The following HPSE2 variants were observed in gnomAD, a reference collection of about 807,000 sequenced individuals.
HPSE2 encodes inactive heparanase-2.
In HPSE2, 38 loss-of-function variants were observed where a neutral mutation model predicts 60.5. The observed-to-expected ratio is 0.63, with a 90% CI of 0.48 to 0.82. The LOEUF is 0.82. Ranked by LOEUF, HPSE2 falls within the 40% of genes least tolerant of loss-of-function variation. The pLI is 0.00. For missense variants in HPSE2, 713 were observed against 740.4 expected, an observed-to-expected ratio of 0.96 and a Z score of 0.43; for synonymous variants, 295 against 293.2, an observed-to-expected ratio of 1.01 and a Z score of -0.06.
chr10:99,249,166 C>A, the HPSE2 span, among the ~76,000 whole-genome samples: 1 of 152,186 alleles, frequency 6.6e-6, no homozygotes, highest in African/African-American at 2.4e-5. Context: ...GTTCTTCAGA[C>A]CCCAGAATGG....
intron 11 of HPSE2, among the ~76,000 whole-genome samples, chr10:98,481,058 A>T (rs184112609): frequency 2.0e-5 from 3 of 152,296 alleles, no homozygotes; most frequent in Admixed American, 2.0e-4. Context: ...GCATTTGGCC[A>T]GTCCCCTCCA....
intron 3 of HPSE2, among the ~76,000 whole-genome samples, chr10:98,858,260 C>A (rs1412874889): frequency 1.3e-5 from 2 of 152,164 alleles, no homozygotes; most frequent in African/African-American, 2.4e-5. Flanking sequence ...GACCCAGAAA[C>A]TGTAAATTCT....
chr10:98,817,007 T>C (rs1951306768), intron 3 of HPSE2, among the ~76,000 whole-genome samples: 1 of 152,136 alleles, frequency 6.6e-6, no homozygotes, highest in Admixed American at 6.6e-5. Flanking sequence ...GTGCTCTCCT[T>C]CTCTGCTTCC....
chr10:99,288,277 G>A, the HPSE2 span, among the ~76,000 whole-genome samples: 7 of 152,090 alleles, frequency 4.6e-5, no homozygotes, highest in Admixed American at 3.3e-4. Flanking sequence ...GTAGGGTCAC[G>A]GTGGATGGTT....
chr10:98,951,964 A>G (rs10218963), intron 3 of HPSE2, among the ~76,000 whole-genome samples: 11,916 of 152,248 alleles, frequency 0.078, 875 homozygotes, highest in African/African-American at 0.18. Flanking sequence ...TGACTTGCCT[A>G]AGTTCTTACA....
intron 9 of HPSE2, among the ~76,000 whole-genome samples, chr10:98,546,792 A>G (rs1423299910): frequency 4.6e-5 from 7 of 151,178 alleles, no homozygotes; most frequent in African/African-American, 1.7e-4. Flanking sequence ...ACAAAAGCCA[A>G]AATTGACAAA....
chr10:99,237,656 G>A (rs1271544019), upstream of HPSE2, among the ~76,000 whole-genome samples: 1 of 152,194 alleles, frequency 6.6e-6, no homozygotes, highest in Non-Finnish European at 1.5e-5. Flanking sequence ...GTGAAGTATT[G>A]GATGTTGGCT....
At chr10:98,491,498 C>A (rs1041281498) in intron 9 of HPSE2, among the ~76,000 whole-genome samples, 1 of 152,140 alleles carries the variant, frequency 6.6e-6, no homozygotes, top group Admixed American at 6.5e-5. Flanking sequence ...ATTACAATTT[C>A]TGTGTTTTTG....
rs947116662 is a variant in HPSE2 at position 98,483,637 on chromosome 10, A to G, written c.1467-855T>C. Among the ~76,000 whole-genome samples, 8 of 152,278 alleles carry G rather than the reference A, an allele frequency of 5.3e-5. No individual in the cohort carries two copies. The South Asian group carries it at 8.3e-4, about 16-fold the overall frequency. On this transcript the variant is annotated intron_variant, in intron 10 of 11. Coordinates refer to ENST00000370552, the MANE Select transcript of HPSE2 (RefSeq NM_021828.5). ...GTGATCGCGTGATTTGCTTTGTCCA[A>G]TGAAATGTGAGTGGACATGGCAAAA...
chr10:98,492,510 C>CAAAAAA (rs10645866), intron 9 of HPSE2, among the ~76,000 whole-genome samples: 289 of 111,776 alleles, frequency 2.6e-3, no homozygotes, highest in Middle Eastern at 4.7e-3. Context: ...TCAAAAAAGA[C>CAAAAAA]AAAAAAAAAA....
intron 3 of HPSE2, among the ~76,000 whole-genome samples, chr10:98,863,810 T>A (rs1241265824): frequency 6.6e-6 from 1 of 152,174 alleles, no homozygotes; most frequent in African/African-American, 2.4e-5. Context: ...TAGTTGGATT[T>A]TTTAGAATCT....
intron 3 of HPSE2, among the ~76,000 whole-genome samples, chr10:98,965,630 C>A (rs1955794829): frequency 6.6e-6 from 1 of 152,130 alleles, no homozygotes; most frequent in Non-Finnish European, 1.5e-5. Flanking sequence ...CTCCTCTACA[C>A]CTACACAAAT....
chr10:99,166,851 A>AG (rs1847100163), intron 2 of HPSE2, among the ~76,000 whole-genome samples: 1 of 136,810 alleles, frequency 7.3e-6, no homozygotes, highest in Admixed American at 7.1e-5. Context: ...CATCTCAAAG[A>AG]AAAAAAAAAA....
chr10:98,767,565 T>G (rs1950148164), intron 3 of HPSE2, among the ~76,000 whole-genome samples: 1 of 146,860 alleles, frequency 6.8e-6, no homozygotes, highest in Admixed American at 6.8e-5. Context: ...ATGTATATTA[T>G]GTAATGCTAT....
At chr10:98,638,313 C>T (rs923715019) in intron 7 of HPSE2, among the ~76,000 whole-genome samples, 3 of 151,520 alleles carry the variant, frequency 2.0e-5, no homozygotes, top group Non-Finnish European at 4.4e-5. Context: ...GGAGTGGTGG[C>T]GGGCGCCTGT....
At chr10:99,198,694 T>C (rs1848480715) in intron 2 of HPSE2, among the ~76,000 whole-genome samples, 3 of 152,172 alleles carry the variant, frequency 2.0e-5, no homozygotes, top group African/African-American at 7.2e-5. Context: ...TTTTATATTA[T>C]TGTGGTAATA....
chr10:99,303,726 A>G, the HPSE2 span, among the ~76,000 whole-genome samples: 1 of 152,208 alleles, frequency 6.6e-6, no homozygotes, highest in East Asian at 1.9e-4. Flanking sequence ...AAAAGAATCA[A>G]CACTCAGCCA....
the HPSE2 span, among the ~76,000 whole-genome samples, chr10:99,249,386 G>A: frequency 6.6e-6 from 1 of 152,188 alleles, no homozygotes; most frequent in Non-Finnish European, 1.5e-5. Context: ...TTTAATGACT[G>A]CCCTTCTGTG....
chr10:98,510,035 C>T (rs1274658201), intron 9 of HPSE2, among the ~76,000 whole-genome samples: 2 of 152,006 alleles, frequency 1.3e-5, no homozygotes, highest in African/African-American at 4.8e-5. Context: ...TCCCAGGGAG[C>T]ATACTAAAAG....
Sources: allele counts gnomAD v4.1 joint callset (sites outside exome capture counted in the v4.1 genomes callset), GRCh38; gene constraint gnomAD v4.1.1; transcripts MANE v1.5; gene names NCBI Gene and HGNC (gene_info 2026-07-23, HGNC 2026-07-21).